Variants in CPE observed in about 807,000 individuals in gnomAD.
CPE encodes the protein carboxypeptidase E.
Under a neutral mutation model 53.5 loss-of-function variants are expected in CPE, and 17 were observed. That is an observed-to-expected ratio of 0.32 (90% CI 0.22 to 0.48). CPE has a LOEUF of 0.48. Among genes scored for constraint, CPE ranks in the 20% least tolerant of loss-of-function variants. CPE has a pLI of 0.99. For missense variants in CPE, 524 were observed against 614.7 expected (o/e 0.85, Z 1.56); for synonymous variants, 226 against 228.8 (o/e 0.99, Z 0.11).
chr4:165,404,171 A>G lies in CPE; in HGVS notation c.307+24643A>G, dbSNP rs117580602. On this transcript the variant is annotated intron_variant, in intron 1 of 8. Coordinates refer to ENST00000402744, the MANE Select transcript of CPE (RefSeq NM_001873.4). ...CTCATACTTCTTGAGCCGGTCCACT[A>G]TCTTCTGGGCTTCATACAGATCCAC... The G allele has an allele frequency of 2.5e-4, 189 of 761,318 alleles. No homozygotes were observed. The East Asian group carries it at 4.3e-3, about 17-fold the overall frequency. 47.2% of individuals were successfully genotyped at this position (761,318 alleles called of 1,614,324 possible). A position where few individuals can be genotyped will look rare whatever the true frequency, so the allele number is the denominator to read the frequency against.
intron 1 of CPE, chr4:165,404,419 C>G: frequency 1.3e-6 from 1 of 764,474 alleles, no homozygotes; most frequent in Non-Finnish European, 2.4e-6. Context: ...AATTCAAATT[C>G]TTATTCTTCA....
chr4:165,379,303 C>G lies in CPE; in HGVS notation c.82C>G (p.Gln28Glu). The G allele has an allele frequency of 6.5e-7, 1 of 1,542,416 alleles. No individual in the cohort carries two copies. The highest frequency in any genetic ancestry group is 2.0e-5 in the Admixed American group (1 of 51,268). Residue 28 changes from glutamine (Q) to glutamate (E), a missense_variant, in exon 1 of 9, where the codon CAG (glutamine) becomes GAG (glutamate). Physicochemically the swap from Gln to Glu is conservative, Grantham distance 29 (BLOSUM62 2). Transcript: ENST00000402744. The surrounding 1 kb of genome is among the most constrained non-coding windows in gnomAD (Gnocchi z 6.0). Reference sequence around the variant, plus strand: ...CGGGTGGCTCCTGGGCGCCGAAGCCCAGGAGCCCGGGGCGCCCGCGGCGGG... The same window carrying G: ...CGGGTGGCTCCTGGGCGCCGAAGCCGAGGAGCCCGGGGCGCCCGCGGCGGG... ...ACGWLLGAEA[Q>E]EPGAPAAGMR... is the part of the protein sequence containing the mutation.
intron 3 of CPE, among the ~76,000 whole-genome samples, chr4:165,469,401 C>A (rs527304094): frequency 5.9e-5 from 9 of 152,252 alleles, no homozygotes; most frequent in African/African-American, 2.2e-4. Context: ...AGCTCTTGGC[C>A]CCTGGAAGCT....
intron 1 of CPE, among the ~76,000 whole-genome samples, chr4:165,408,300 A>C (rs1042253539): frequency 1.3e-5 from 2 of 152,344 alleles, no homozygotes; most frequent in Middle Eastern, 3.4e-3. Flanking sequence ...TAACTCTCGC[A>C]TTTAAATCTT....
At chr4:165,393,928 C>T (rs572515679) in intron 1 of CPE, among the ~76,000 whole-genome samples, 5 of 152,296 alleles carry the variant, frequency 3.3e-5, no homozygotes, top group Admixed American at 2.6e-4. Context: ...GCAGTAGAAT[C>T]CACTCTCTAA....
intron 1 of CPE, among the ~76,000 whole-genome samples, chr4:165,456,695 T>G (rs1731908697): frequency 6.8e-6 from 1 of 147,492 alleles, no homozygotes; most frequent in Admixed American, 6.8e-5. Flanking sequence ...GCCTCCCGAG[T>G]AGGAGTAGCT....
At chr4:165,458,649 A>C (rs1579270974) in intron 1 of CPE, among the ~76,000 whole-genome samples, 1 of 152,328 alleles carries the variant, frequency 6.6e-6, no homozygotes, top group East Asian at 1.9e-4. Flanking sequence ...TTTACAACCC[A>C]CATTCACATT....
At chr4:165,402,284 G>A (rs1223346757) in intron 1 of CPE, among the ~76,000 whole-genome samples, 1 of 152,130 alleles carries the variant, frequency 6.6e-6, no homozygotes, top group Non-Finnish European at 1.5e-5. Context: ...TTTCATAAAT[G>A]ACTGGTCCCA....
At chr4:165,436,798 C>T (rs1731509736) in intron 1 of CPE, among the ~76,000 whole-genome samples, 1 of 152,106 alleles carries the variant, frequency 6.6e-6, no homozygotes, top group South Asian at 2.1e-4. Context: ...GCCAATGTGC[C>T]TAACTGAAGA....
At chr4:165,405,480 G>T in intron 1 of CPE, 1 of 857,850 alleles carries the variant, frequency 1.2e-6, no homozygotes, top group Non-Finnish European at 2.0e-6. Flanking sequence ...TAAAGGGAAA[G>T]CCCTTTAGTC....
chr4:165,442,019 G>GTTTTT (rs1388736727), intron 1 of CPE, among the ~76,000 whole-genome samples: 5 of 94,172 alleles, frequency 5.3e-5, no homozygotes, highest in African/African-American at 1.8e-4. Context: ...AAGACGGTGA[G>GTTTTT]TTTGTTTTTT....
At chr4:165,419,494 C>A (rs1731172056) in intron 1 of CPE, among the ~76,000 whole-genome samples, 1 of 152,020 alleles carries the variant, frequency 6.6e-6, no homozygotes, top group South Asian at 2.1e-4. Context: ...TTATGTAAGT[C>A]ATTTTATTTA....
chr4:165,408,130 G>A (rs1194592740), intron 1 of CPE, among the ~76,000 whole-genome samples: 1 of 152,166 alleles, frequency 6.6e-6, no homozygotes, highest in Non-Finnish European at 1.5e-5. Flanking sequence ...TTTCTTGATA[G>A]TGTCCTTTCA....
intron 6 of CPE, among the ~76,000 whole-genome samples, chr4:165,492,188 C>T (rs62352316): frequency 5.9e-5 from 9 of 152,218 alleles, no homozygotes; most frequent in Non-Finnish European, 1.0e-4. Flanking sequence ...GCAGCTCTCC[C>T]ATCTTCTTTC....
intron 1 of CPE, among the ~76,000 whole-genome samples, chr4:165,397,504 C>A (rs1730787746): frequency 6.6e-6 from 1 of 152,352 alleles, no homozygotes; most frequent in African/African-American, 2.4e-5. Flanking sequence ...ATTAGCTCCT[C>A]TCTTCCCTTC....
At chr4:165,482,125 T>C (rs943008862) in intron 3 of CPE, 117 bp from the exon 4 acceptor site, 3 of 500,146 alleles carry the variant, frequency 6.0e-6, no homozygotes, top group African/African-American at 5.9e-5. Context: ...AACAGCAAAA[T>C]AGTTGAAATA....
chr4:165,425,500 C>G (rs1308097798), intron 1 of CPE, among the ~76,000 whole-genome samples: 1 of 152,046 alleles, frequency 6.6e-6, no homozygotes, highest in African/African-American at 2.4e-5. Flanking sequence ...TGCCTCCTTC[C>G]TGTTTAGGAA....
intron 1 of CPE, among the ~76,000 whole-genome samples, chr4:165,442,029 TTTTTTTGTTTTTTTTTTG>T (rs1365569816): frequency 3.0e-5 from 3 of 100,026 alleles, no homozygotes; most frequent in Non-Finnish European, 4.0e-5. Context: ...GTTTGTTTTT[TTTTTTTGTTTTTTTTTTG>T]TTTTTTTTTT....
intron 6 of CPE, among the ~76,000 whole-genome samples, chr4:165,491,447 T>A (rs575975718): frequency 8.5e-5 from 13 of 152,314 alleles, no homozygotes; most frequent in African/African-American, 3.1e-4. Context: ...TGGGTCTCTA[T>A]ATATAGCCCT....
Sources: gnomAD v4.1 joint callset for allele counts (sites outside exome capture counted in the v4.1 genomes callset) on GRCh38, gnomAD v4.1.1 for gene constraint, Gnocchi (gnomAD v3.1) non-coding constraint, MANE v1.5 for transcripts, NCBI Gene and HGNC (gene_info 2026-07-23, HGNC 2026-07-21) for gene names.